The following TRIM45 variants were observed in gnomAD, a reference collection of about 807,000 sequenced individuals.
TRIM45 encodes the protein tripartite motif containing 45, also known as E3 ubiquitin-protein ligase TRIM45.
In TRIM45, 45 loss-of-function variants were observed where a neutral mutation model predicts 46.7. That is an observed-to-expected ratio of 0.96 (90% CI 0.76 to 1.24). The LOEUF is 1.24. Ranked by LOEUF, TRIM45 falls within the 50% of genes most tolerant of loss-of-function variation. The pLI, the probability that TRIM45 is intolerant of heterozygous loss-of-function variation, is 0.00. For missense variants in TRIM45, 680 were observed against 728.4 expected (o/e 0.93, Z 0.77); for synonymous variants, 259 against 285.8 (o/e 0.91, Z 0.94).
upstream of TRIM45, chr1:117,122,096 C>A: frequency 2.7e-6 from 1 of 367,372 alleles, no homozygotes; most frequent in Non-Finnish European, 4.9e-6. Flanking sequence ...GCTGATTTGG[C>A]GCCGGGACGG....
At chr1:117,121,885 C>T, upstream of TRIM45, 1 of 713,812 alleles carries the variant, frequency 1.4e-6, no homozygotes, top group Non-Finnish European at 2.6e-6. The surrounding 1 kb of genome is among the most constrained non-coding windows in gnomAD (Gnocchi z 4.2). Flanking sequence ...TTGGAAATTC[C>T]ACATCTTCGC....
intron 1 of TRIM45, among the ~76,000 whole-genome samples, chr1:117,119,376 T>C (rs1297341926): frequency 6.6e-6 from 1 of 152,004 alleles, no homozygotes; most frequent in African/African-American, 2.4e-5. Context: ...GAGGCTGAGG[T>C]GGGCGGATCA....
upstream of TRIM45, chr1:117,121,979 C>G (rs1430460008): frequency 3.3e-6 from 2 of 611,088 alleles, no homozygotes; most frequent in Admixed American, 5.6e-5. The surrounding 1 kb of genome is among the most constrained non-coding windows in gnomAD (Gnocchi z 4.2). Flanking sequence ...GAGGAAAAGG[C>G]CAAGGCTCGG....
At position 117,113,633 on chromosome 1, in the gene TRIM45, G is replaced by A; in HGVS notation, c.1468-148C>T. ...AGGAAAGAAACAGATTAGAGGACAA[G>A]AACCCTGCTCAGCTGAGAGGAGGCA... is the stretch of plus-strand genomic sequence containing the variant. On this transcript the variant is annotated intron_variant, in intron 4 of 5. Coordinates refer to ENST00000256649, the MANE Select transcript of TRIM45 (RefSeq NM_025188.4). This position sits in a 1 kb window ranked among gnomAD's most constrained non-coding sequence, Gnocchi z 4.0. 2 of 1,101,656 alleles carry A rather than the reference G, an allele frequency of 1.8e-6. No homozygotes were observed. The highest frequency in any genetic ancestry group is 2.5e-6 in the Non-Finnish European group (2 of 792,802). The allele number at this position is 1,101,656 out of a possible 1,614,324, so 68.2% of individuals were successfully genotyped here.
At position 117,118,346 on chromosome 1, in the gene TRIM45, C is replaced by T. The variant is rs752154079; in HGVS notation, c.910G>A (p.Ala304Thr). Residue 304 changes from alanine (A) to threonine (T), a missense_variant, in exon 2 of 6, where the codon GCC (alanine) becomes ACC (threonine). By Grantham distance (58) the Ala-to-Thr change is moderately conservative (BLOSUM62 0). Transcript: ENST00000256649. This position sits in a 1 kb window ranked among gnomAD's most constrained non-coding sequence, Gnocchi z 5.7. ...KLLKQLEDIR[A>T]QKENSLQLQK... ...AGCTGCAGGGAATTTTCCTTCTGGG[C>T]CCGTATGTCTTCCAGCTGCTTCAGC... 3.1e-6 allele frequency: 5 copies of T among 1,614,180 alleles called. No homozygotes were observed. The highest frequency in any genetic ancestry group is 8.5e-7 in the Non-Finnish European group (1 of 1,180,038).
intron 4 of TRIM45, among the ~76,000 whole-genome samples, chr1:117,114,982 T>C (rs1650345808): frequency 6.6e-6 from 1 of 152,238 alleles, no homozygotes; most frequent in Non-Finnish European, 1.5e-5. Flanking sequence ...TAAAAACTCA[T>C]ACTCTCTAAA....
Position 117,113,269 on chromosome 1 carries a change from A to G in TRIM45, c.1594+90T>C. 2 of 1,541,150 alleles carry G rather than the reference A, an allele frequency of 1.3e-6. No individual in the cohort carries two copies. The highest frequency in any genetic ancestry group is 1.8e-6 in the Non-Finnish European group (2 of 1,137,066). ...CTTCCTAGAAACAGAGCCTAAGTCC[A>G]AATGTCTAGTGGCTGTGTGGTAGGG... On this transcript the variant is annotated intron_variant, in intron 5 of 5. Coordinates refer to ENST00000256649, the MANE Select transcript of TRIM45 (RefSeq NM_025188.4). The surrounding 1 kb of genome is among the most constrained non-coding windows in gnomAD (Gnocchi z 4.0).
rs1650484215 is a variant in TRIM45, at chr1:117,118,317, C to G, written c.939G>C (p.Gln313His). ...RAQKENSLQL[Q>H]KAQLEQLLAD... ...CCAGTAACTGTTCCAGCTGGGCCTT[C>G]TGCAGCTGCAGGGAATTTTCCTTCT... Residue 313 changes from glutamine (Q) to histidine (H), a missense_variant, in exon 2 of 6, where the codon CAG becomes CAC. Gln to His is a conservative substitution (Grantham distance 24, BLOSUM62 0). This residue lies in a region of TRIM45 where 322 missense variants were observed against 359.3 expected (regional missense o/e 0.90). Transcript: ENST00000256649. This position sits in a 1 kb window ranked among gnomAD's most constrained non-coding sequence, Gnocchi z 5.7. The G allele has an allele frequency of 6.2e-7, 1 of 1,614,082 alleles. No individual in the cohort carries two copies. Among genetic ancestry groups the G allele is most frequent in the Non-Finnish European group, 8.5e-7 (1 of 1,180,046 alleles).
Position 117,121,551 on chromosome 1 carries a change from C to A in TRIM45, c.-350G>T. ...CACCTCTCGCTCCCTCCACTGCCAC[C>A]CCCCTCCCGCCGCCCGCCCCACTGC... On this transcript the variant is annotated 5_prime_UTR_variant, in exon 1 of 6. Transcript: ENST00000256649. The surrounding 1 kb of genome is among the most constrained non-coding windows in gnomAD (Gnocchi z 4.2). The A allele has an allele frequency of 1.9e-6, 1 of 516,092 alleles. No individual in the cohort carries two copies. Among genetic ancestry groups the A allele is most frequent in the South Asian group, 2.5e-5 (1 of 39,708 alleles). The allele number at this position is 516,092 out of a possible 1,614,324, so 32.0% of individuals were successfully genotyped here.
chr1:117,112,173 C>T lies in TRIM45; in HGVS notation c.*132G>A, dbSNP rs1650238261. 2 of 952,046 alleles carry T rather than the reference C, an allele frequency of 2.1e-6. No homozygotes were observed. Among genetic ancestry groups the T allele is most frequent in the Non-Finnish European group, 2.8e-6 (2 of 707,558 alleles). The allele number at this position is 952,046 out of a possible 1,614,324, so 59.0% of individuals were successfully genotyped here. A position where few individuals can be genotyped will look rare whatever the true frequency, so the allele number is the denominator to read the frequency against. On this transcript the variant is annotated 3_prime_UTR_variant, in exon 6 of 6. Transcript: ENST00000256649. ...TCAGTGAATAACTAACAAAAGAGCACTTGAACTCCAGTGCAAGATAAGGCA... is the reference window on the plus strand; with the variant it reads ...TCAGTGAATAACTAACAAAAGAGCATTTGAACTCCAGTGCAAGATAAGGCA...
chr1:117,113,257 G>C lies in TRIM45; in HGVS notation c.1594+102C>G. On this transcript the variant is annotated intron_variant, in intron 5 of 5. Transcript: ENST00000256649. The surrounding 1 kb of genome is among the most constrained non-coding windows in gnomAD (Gnocchi z 4.0). The stretch of plus-strand genomic sequence containing the variant: ...TCACAGACTGTGCTTCCTAGAAACA[G>C]AGCCTAAGTCCAAATGTCTAGTGGC... The C allele has an allele frequency of 6.7e-7, 1 of 1,485,092 alleles. No homozygotes were observed. The highest frequency in any genetic ancestry group is 1.3e-5 in the South Asian group (1 of 78,072). 92.0% of individuals were successfully genotyped at this position (1,485,092 alleles called of 1,614,324 possible).
rs1003969776 is a variant in TRIM45 at position 117,113,011 on chromosome 1, T to A, written c.1594+348A>T. Among the ~76,000 whole-genome samples, 1 of 152,182 alleles carries A rather than the reference T, an allele frequency of 6.6e-6. No homozygotes were observed. Among genetic ancestry groups the A allele is most frequent in the Admixed American group, 6.5e-5 (1 of 15,276 alleles). ...TCCACTCCCCTAGCCATGCCTCATT[T>A]GGAATTTATTTAAGGTTCTAAAAGG... On this transcript the variant is annotated intron_variant, in intron 5 of 5. Coordinates refer to ENST00000256649, the MANE Select transcript of TRIM45 (RefSeq NM_025188.4). The surrounding 1 kb of genome is among the most constrained non-coding windows in gnomAD (Gnocchi z 4.0).
chr1:117,121,638 C>T lies in TRIM45; in HGVS notation c.-437G>A. 1 of 552,702 alleles carries T rather than the reference C, an allele frequency of 1.8e-6. No individual in the cohort carries two copies. Among genetic ancestry groups the T allele is most frequent in the Admixed American group, 3.4e-5 (1 of 29,230 alleles). The allele number at this position is 552,702 out of a possible 1,614,324, so 34.2% of individuals were successfully genotyped here. A position where few individuals can be genotyped will look rare whatever the true frequency, so the allele number is the denominator to read the frequency against. On this transcript the variant is annotated 5_prime_UTR_variant, in exon 1 of 6. Coordinates refer to ENST00000256649, the MANE Select transcript of TRIM45 (RefSeq NM_025188.4). The surrounding 1 kb of genome is among the most constrained non-coding windows in gnomAD (Gnocchi z 4.2). Reference sequence around the variant, plus strand: ...CGATGAGGTAGGGGCCCTCTTGCTCCTTCCCTCTGCGAAAGGCGCGCGCCG... The same window carrying T: ...CGATGAGGTAGGGGCCCTCTTGCTCTTTCCCTCTGCGAAAGGCGCGCGCCG...
chr1:117,118,295 G>C lies in TRIM45; in HGVS notation c.961C>G (p.Leu321Val), dbSNP rs1650481064. 3 of 1,614,224 alleles carry C rather than the reference G, an allele frequency of 1.9e-6. No homozygotes were observed. Among genetic ancestry groups the C allele is most frequent in the Non-Finnish European group, 2.5e-6 (3 of 1,180,038 alleles). ...TCCACTCCAGTCCGCATGTCTGCCA[G>C]TAACTGTTCCAGCTGGGCCTTCTGC... is the stretch of plus-strand genomic sequence containing the variant. ...QLQKAQLEQL[L>V]ADMRTGVEFT... The change falls in exon 2 of 6, where the codon CTG (leucine) becomes GTG (valine). Residue 321 changes from leucine (L) to valine (V), a missense_variant. This residue lies in a region of TRIM45 where 322 missense variants were observed against 359.3 expected (regional missense o/e 0.90). Coordinates refer to ENST00000256649, the MANE Select transcript of TRIM45 (RefSeq NM_025188.4). This position sits in a 1 kb window ranked among gnomAD's most constrained non-coding sequence, Gnocchi z 5.7.
At chr1:117,119,005 C>G (rs1650521058) in intron 1 of TRIM45, among the ~76,000 whole-genome samples, 1 of 152,242 alleles carries the variant, frequency 6.6e-6, no homozygotes, top group African/African-American at 2.4e-5. Context: ...AGGGCTCTGG[C>G]TGGCTACATG....
Position 117,113,292 on chromosome 1 carries a change from G to A in TRIM45, c.1594+67C>T. 6.3e-7 allele frequency: 1 copy of A among 1,584,854 alleles called. No homozygotes were observed. Among genetic ancestry groups the A allele is most frequent in the East Asian group, 2.2e-5 (1 of 44,636 alleles). ...CCAAATGTCTAGTGGCTGTGTGGTA[G>A]GGAAGGGCCCGTCGCTTGATTCCCA... On this transcript the variant is annotated intron_variant, in intron 5 of 5. Coordinates refer to ENST00000256649, the MANE Select transcript of TRIM45 (RefSeq NM_025188.4). This position sits in a 1 kb window ranked among gnomAD's most constrained non-coding sequence, Gnocchi z 4.0.
rs146898739 is a variant in TRIM45, at chr1:117,118,629, G to A, written c.627C>T (p.Pro209=). The A allele has an allele frequency of 1.5e-4, 243 of 1,614,052 alleles. No homozygotes were observed. The highest frequency in any genetic ancestry group is 1.3e-3 in the African/African-American group (94 of 75,048). The stretch of plus-strand genomic sequence containing the variant: ...CCCCCACCACACAATCCTGGCACAC[G>A]GGCCGGTCACAGAACTCACAGAACA... ...LRLFCEFCDR[P]VCQDCVVGEH... Residue 209 remains proline (P), a synonymous_variant, in exon 2 of 6, where the codon CCC becomes CCT. Transcript: ENST00000256649. The surrounding 1 kb of genome is among the most constrained non-coding windows in gnomAD (Gnocchi z 5.7).
At position 117,117,199 on chromosome 1, in the gene TRIM45, TG is replaced by T. The variant is rs1284228056; in HGVS notation, c.1223-455del. ...AACTTGGTAGCTCATGCCAAGGTACTGGGGGGATATCCAGTAGCTACAGCCC... is the reference window on the plus strand; with the variant it reads ...AACTTGGTAGCTCATGCCAAGGTACTGGGGGATATCCAGTAGCTACAGCCC... On this transcript the variant is annotated intron_variant, in intron 2 of 5. Transcript: ENST00000256649. This position sits in a 1 kb window ranked among gnomAD's most constrained non-coding sequence, Gnocchi z 4.9. Among the ~76,000 whole-genome samples the T allele has an allele frequency of 1.3e-5, 2 of 152,254 alleles. No individual in the cohort carries two copies. Among genetic ancestry groups the T allele is most frequent in the East Asian group, 3.9e-4 (2 of 5,176 alleles).
Position 117,120,951 on chromosome 1 carries a change from C to A in TRIM45, c.251G>T (p.Arg84Leu), listed in dbSNP as rs528119251. The change falls in exon 1 of 6, where the codon CGA becomes CTA. Residue 84 changes from arginine (R) to leucine (L), a missense_variant. Transcript: ENST00000256649. ...GATGCCGATCTGCGACTGCAGACTT[C>A]GTGGCTTGAGTTCCTGGAATATTGA... The part of the protein sequence containing the change: ...EGSIFQELKP[R>L]SLQSQIGILC... 1.2e-6 allele frequency: 2 copies of A among 1,614,218 alleles called. No individual in the cohort carries two copies. The highest frequency in any genetic ancestry group is 1.7e-6 in the Non-Finnish European group (2 of 1,180,042).
Sources: allele counts gnomAD v4.1 joint callset (sites outside exome capture counted in the v4.1 genomes callset), GRCh38; gene constraint gnomAD v4.1.1; regional missense constraint gnomAD v4.1.1; non-coding constraint Gnocchi (gnomAD v3.1); transcripts MANE v1.5; gene names NCBI Gene and HGNC (gene_info 2026-07-23, HGNC 2026-07-21).